Variants in PTPRT observed in about 807,000 individuals in gnomAD.
The protein encoded by PTPRT is protein tyrosine phosphatase receptor type T, also known as receptor-type tyrosine-protein phosphatase T.
PTPRT carries 56 observed loss-of-function variants against 176.8 expected under a neutral mutation model. The ratio of observed to expected loss-of-function variants is 0.32; its 90% confidence interval spans 0.26 to 0.40. The LOEUF is 0.40. Among genes scored for constraint, PTPRT ranks in the 10% least tolerant of loss-of-function variants. PTPRT has a pLI of 1.00. For synonymous variants in PTPRT, 783 were observed against 739.0 expected, an observed-to-expected ratio of 1.06 and a Z score of -0.96; for missense variants, 1,540 against 1,908.2, an observed-to-expected ratio of 0.81 and a Z score of 3.60.
At chr20:42,949,075 A>G (rs1243337997) in intron 1 of PTPRT, among the ~76,000 whole-genome samples, 1 of 152,180 alleles carries the variant, frequency 6.6e-6, no homozygotes, top group Non-Finnish European at 1.5e-5. Context: ...CCTCTCTACT[A>G]TGATATCATC....
chr20:42,930,168 G>A (rs1204343226), intron 1 of PTPRT, among the ~76,000 whole-genome samples: 1 of 152,220 alleles, frequency 6.6e-6, no homozygotes, highest in East Asian at 1.9e-4. Flanking sequence ...TGAGGAAGAT[G>A]AGCCCTGCTT....
At chr20:42,497,465 G>C (rs1364310614) in intron 7 of PTPRT, among the ~76,000 whole-genome samples, 1 of 151,658 alleles carries the variant, frequency 6.6e-6, no homozygotes, top group African/African-American at 2.4e-5. Flanking sequence ...TGGTTTGTTT[G>C]TTTGAGACAA....
At chr20:42,151,427 T>C (rs1846124684) in intron 17 of PTPRT, among the ~76,000 whole-genome samples, 1 of 152,210 alleles carries the variant, frequency 6.6e-6, no homozygotes, top group African/African-American at 2.4e-5. Context: ...GTTAGTTTGC[T>C]GAGAATGATG....
At chr20:42,774,185 GC>G (rs2077101873) in intron 4 of PTPRT, among the ~76,000 whole-genome samples, 1 of 152,164 alleles carries the variant, frequency 6.6e-6, no homozygotes, top group Non-Finnish European at 1.5e-5. Context: ...AAGTCGTTCA[GC>G]TGTAAAACAA....
At chr20:42,338,628 A>T (rs939396955) in intron 11 of PTPRT, among the ~76,000 whole-genome samples, 1 of 152,186 alleles carries the variant, frequency 6.6e-6, no homozygotes, top group Admixed American at 6.5e-5. Flanking sequence ...GCTGAAACTT[A>T]GCCTGGATTG....
At chr20:42,448,540 G>A (rs1276079721) in intron 8 of PTPRT, among the ~76,000 whole-genome samples, 6 of 152,110 alleles carry the variant, frequency 3.9e-5, no homozygotes, top group East Asian at 3.9e-4. Flanking sequence ...GAATGAGTAC[G>A]GTGGCGTTCC....
At chr20:43,019,262 T>G (rs1369885578) in intron 1 of PTPRT, among the ~76,000 whole-genome samples, 1 of 152,150 alleles carries the variant, frequency 6.6e-6, no homozygotes, top group Non-Finnish European at 1.5e-5. Flanking sequence ...AGTGTTTCAG[T>G]AGGCACAAAA....
At chr20:42,051,810 C>T in the PTPRT span, among the ~76,000 whole-genome samples, 11,364 of 152,228 alleles carry the variant, frequency 0.075, 1,119 homozygotes, top group African/African-American at 0.22. Flanking sequence ...AGTAGTGCAA[C>T]GTCGCAGACA....
intron 6 of PTPRT, among the ~76,000 whole-genome samples, chr20:42,679,667 ATAGACCCAATG>A (rs1366808189): frequency 2.0e-5 from 3 of 152,208 alleles, no homozygotes; most frequent in Admixed American, 2.0e-4. Flanking sequence ...ATAATAACAC[ATAGACCCAATG>A]TAGATTCATT....
intron 6 of PTPRT, 52 bp from the exon 7 acceptor site, chr20:42,678,211 C>T (rs1600593417): frequency 3.9e-6 from 6 of 1,540,160 alleles, no homozygotes; most frequent in Non-Finnish European, 5.3e-6. Context: ...ATTTACAGAG[C>T]AGACTACAAG....
At chr20:42,683,479 T>C (rs908070615) in intron 6 of PTPRT, among the ~76,000 whole-genome samples, 3 of 152,152 alleles carry the variant, frequency 2.0e-5, no homozygotes, top group Non-Finnish European at 4.4e-5. Flanking sequence ...GGTTTCTCCA[T>C]GTTTGCCAGG....
intron 1 of PTPRT, among the ~76,000 whole-genome samples, chr20:43,169,507 G>A (rs544418671): frequency 6.6e-5 from 10 of 152,254 alleles, no homozygotes; most frequent in Middle Eastern, 3.4e-3. Context: ...AACACTGGGG[G>A]TTATAAATGT....
At chr20:43,087,869 C>A (rs2011661329) in intron 1 of PTPRT, among the ~76,000 whole-genome samples, 1 of 152,054 alleles carries the variant, frequency 6.6e-6, no homozygotes. Flanking sequence ...GGGCACAACA[C>A]AGAGGACACT....
intron 27 of PTPRT, among the ~76,000 whole-genome samples, chr20:42,088,277 G>T (rs945630406): frequency 6.6e-6 from 1 of 152,126 alleles, no homozygotes; most frequent in Non-Finnish European, 1.5e-5. Context: ...TCTCCTCAGC[G>T]GGGGTCTGGT....
At chr20:42,722,484 A>T (rs1010444489) in intron 6 of PTPRT, among the ~76,000 whole-genome samples, 2 of 152,184 alleles carry the variant, frequency 1.3e-5, no homozygotes, top group African/African-American at 4.8e-5. Flanking sequence ...CTTCTACTGT[A>T]AATGGGCTGG....
intron 18 of PTPRT, among the ~76,000 whole-genome samples, chr20:42,139,267 G>A (rs545832170): frequency 6.6e-6 from 1 of 152,156 alleles, no homozygotes; most frequent in Non-Finnish European, 1.5e-5. Context: ...TCTTAAATTA[G>A]AAAGGAGATT....
chr20:42,229,014 G>C (rs1009365176), intron 15 of PTPRT, among the ~76,000 whole-genome samples: 1 of 152,220 alleles, frequency 6.6e-6, no homozygotes, highest in African/African-American at 2.4e-5. Context: ...AGAGAACAAT[G>C]ACACTCCCTT....
In PTPRT at chr20:42,972,537, C is replaced by T. The variant is rs555084325; in HGVS notation, c.89-86605G>A. ...ATTAGCTGCTTGTGATGGTGCACAC[C>T]TGTAGATCCCAGCTACTCAGGAGGC... On this transcript the variant is annotated intron_variant, in intron 1 of 30. Coordinates refer to ENST00000373187, the MANE Select transcript of PTPRT (RefSeq NM_007050.6). Among the ~76,000 whole-genome samples, 18 of 151,854 alleles carry T rather than the reference C, an allele frequency of 1.2e-4. No homozygotes were observed. In the South Asian group the frequency reaches 3.8e-3, roughly 32 times the overall value.
intron 1 of PTPRT, among the ~76,000 whole-genome samples, chr20:43,058,881 T>C (rs1285207661): frequency 3.9e-5 from 6 of 152,218 alleles, no homozygotes; most frequent in African/African-American, 7.2e-5. Flanking sequence ...TGCTATCTTC[T>C]TTGCAGCCAC....
Sources: allele counts gnomAD v4.1 joint callset (sites outside exome capture counted in the v4.1 genomes callset), GRCh38; gene constraint gnomAD v4.1.1; transcripts MANE v1.5; gene names NCBI Gene and HGNC (gene_info 2026-07-23, HGNC 2026-07-21).